SPATA7: variants seen among roughly 807,000 people sequenced by gnomAD.
SPATA7 encodes spermatogenesis associated 7.
Under a neutral mutation model 51.8 loss-of-function variants are expected in SPATA7, and 43 were observed. The ratio of observed to expected loss-of-function variants is 0.83; its 90% CI spans 0.65 to 1.07. SPATA7 has a LOEUF of 1.07. Ranked by LOEUF, SPATA7 falls within the 50% of genes least tolerant of loss-of-function variation. The pLI is 0.00. For synonymous variants in SPATA7, 230 were observed against 252.8 expected, an observed-to-expected ratio of 0.91 and a Z score of 0.86; for missense variants, 683 against 701.3, an observed-to-expected ratio of 0.97 and a Z score of 0.30.
intron 4 of SPATA7, among the ~76,000 whole-genome samples, chr14:88,404,414 T>TAAGTATTTAA (rs2076149103): frequency 6.6e-6 from 1 of 152,156 alleles, no homozygotes; most frequent in African/African-American, 2.4e-5. Context: ...GTAGCCCTAC[T>TAAGTATTTAA]AAGTATTTAA....
intron 4 of SPATA7, chr14:88,414,786 A>T (rs2139954150): frequency 1.8e-5 from 5 of 273,706 alleles, no homozygotes; most frequent in South Asian, 6.7e-5. Flanking sequence ...GTTTTTTTTT[A>T]ATTTCACCTT....
Position 88,438,188 on chromosome 14 carries a change from A to G in SPATA7, c.1566A>G (p.Glu522=). 6.2e-7 allele frequency: 1 copy of G among 1,613,662 alleles called. No individual in the cohort carries two copies. Among genetic ancestry groups the G allele is most frequent in the Non-Finnish European group, 8.5e-7 (1 of 1,179,748 alleles). The change falls in exon 12 of 12, where the codon GAA becomes GAG. Residue 522 remains glutamate, a synonymous_variant. Coordinates refer to ENST00000393545, the MANE Select transcript of SPATA7 (RefSeq NM_018418.5). Reference sequence around the variant, plus strand: ...ATCTTGAAACTTCAACTTTGGATGAAAATCATCCAAGTATTTCAGACAGTT... The same window carrying G: ...ATCTTGAAACTTCAACTTTGGATGAGAATCATCCAAGTATTTCAGACAGTT... ...ETNLETSTLD[E]NHPSISDSLT...
At chr14:88,431,475 C>T (rs2076939164) in intron 9 of SPATA7, among the ~76,000 whole-genome samples, 1 of 152,102 alleles carries the variant, frequency 6.6e-6, no homozygotes, top group Admixed American at 6.6e-5. Flanking sequence ...CATTGAGTAT[C>T]CTTCTTCTAG....
rs537064640 is a variant in SPATA7, at chr14:88,430,007, T to C, written c.1028+544T>C. On this transcript the variant is annotated intron_variant, in intron 8 of 11. Transcript: ENST00000393545. The stretch of plus-strand genomic sequence containing the variant: ...TGCAATGGAGGCACTCTTTAAAAAC[T>C]ACTCATCATGTTGAGTAATTAAGGA... Among the ~76,000 whole-genome samples the C allele has an allele frequency of 5.3e-5, 8 of 152,102 alleles. No individual in the cohort carries two copies. The East Asian group carries it at 1.5e-3, about 29-fold the overall frequency.
At chr14:88,403,979 A>G (rs1362805235) in intron 4 of SPATA7, among the ~76,000 whole-genome samples, 2 of 152,212 alleles carry the variant, frequency 1.3e-5, no homozygotes, top group Non-Finnish European at 2.9e-5. Context: ...TTCACAATGT[A>G]TATCAGAATA....
chr14:88,455,360 A>T (rs2077277436), downstream of SPATA7: 1 of 198,428 alleles, frequency 5.0e-6, no homozygotes, highest in South Asian at 9.2e-5. Flanking sequence ...GTACATTATT[A>T]AAAATAATCC....
At chr14:88,404,032 C>A (rs2076140084) in intron 4 of SPATA7, among the ~76,000 whole-genome samples, 3 of 152,046 alleles carry the variant, frequency 2.0e-5, no homozygotes, top group South Asian at 4.2e-4. Flanking sequence ...TCTGCTATAC[C>A]TTAACAAAGC....
chr14:88,393,287 G>A (rs2075792250), intron 2 of SPATA7, 106 bp from the exon 3 acceptor site: 4 of 801,898 alleles, frequency 5.0e-6, no homozygotes, highest in African/African-American at 1.7e-5. Context: ...ATCTCTGGTT[G>A]AATTTCAGAA....
At chr14:88,415,095 A>G (rs1335651022) in intron 4 of SPATA7, 1 of 175,888 alleles carries the variant, frequency 5.7e-6, no homozygotes, top group Non-Finnish European at 1.2e-5. Flanking sequence ...TGTCAAATTT[A>G]AATCCAGAAT....
intron 3 of SPATA7, among the ~76,000 whole-genome samples, chr14:88,453,737 TG>T (rs2077266783): frequency 6.6e-6 from 1 of 152,220 alleles, no homozygotes; most frequent in Admixed American, 6.5e-5. Flanking sequence ...GGTGTAGTAT[TG>T]GAAATCAGTC....
intron 3 of SPATA7, among the ~76,000 whole-genome samples, chr14:88,450,462 G>C (rs1207610605): frequency 6.6e-6 from 1 of 152,000 alleles, no homozygotes; most frequent in Non-Finnish European, 1.5e-5. Flanking sequence ...AAGATTTAGA[G>C]CTCCTTTTAG....
At chr14:88,449,574 T>A (rs543741184) in intron 3 of SPATA7, among the ~76,000 whole-genome samples, 1 of 152,218 alleles carries the variant, frequency 6.6e-6, no homozygotes, top group Non-Finnish European at 1.5e-5. Context: ...GAATGTTCTG[T>A]GAATATCTGT....
intron 5 of SPATA7, among the ~76,000 whole-genome samples, chr14:88,424,175 G>C (rs1030237837): frequency 6.6e-6 from 1 of 152,112 alleles, no homozygotes; most frequent in Non-Finnish European, 1.5e-5. Flanking sequence ...GTGATCTGCT[G>C]TTCATGTTTT....
chr14:88,427,852 C>A (rs2076839399), intron 7 of SPATA7, 156 bp downstream of exon 7: 3 of 631,456 alleles, frequency 4.8e-6, no homozygotes, highest in South Asian at 4.0e-5. Flanking sequence ...TGCCTATTTA[C>A]AAATGGTTAT....
downstream of SPATA7, among the ~76,000 whole-genome samples, chr14:88,440,351 T>C (rs1415504821): frequency 6.6e-6 from 1 of 152,214 alleles, no homozygotes; most frequent in Non-Finnish European, 1.5e-5. Flanking sequence ...CCATCCTAAT[T>C]TGGATACCTA....
intron 1 of SPATA7, among the ~76,000 whole-genome samples, chr14:88,388,474 G>T (rs1246130646): frequency 6.6e-6 from 1 of 152,130 alleles, no homozygotes. Context: ...TTTGGTTTGA[G>T]GCTACTTCTC....
chr14:88,427,450 T>A (rs1276897658), intron 6 of SPATA7, among the ~76,000 whole-genome samples, 180 bp from the exon 7 acceptor site: 1 of 152,086 alleles, frequency 6.6e-6, no homozygotes, highest in Non-Finnish European at 1.5e-5. Flanking sequence ...ATAAGTACAG[T>A]GATATCAGAT....
chr14:88,469,477 G>T lies in SPATA7; in HGVS notation c.255-370G>T. 1 of 1,578,248 alleles carries T rather than the reference G, an allele frequency of 6.3e-7. No individual in the cohort carries two copies. Among genetic ancestry groups the T allele is most frequent in the Non-Finnish European group, 8.7e-7 (1 of 1,147,756 alleles). ...ACACCTCCAGAGGCAGCTGTCCTCG[G>T]AACAAAGTTAAAGTCACTCACATAA... On this transcript the variant is annotated intron_variant, in intron 4 of 4. Coordinates refer to the SPATA7 transcript ENST00000556406. This position sits in a 1 kb window ranked among gnomAD's most constrained non-coding sequence, Gnocchi z 4.3.
downstream of SPATA7, among the ~76,000 whole-genome samples, chr14:88,458,163 A>T (rs2077296503): frequency 6.6e-6 from 1 of 152,178 alleles, no homozygotes; most frequent in Non-Finnish European, 1.5e-5. Context: ...ATCAATGTTC[A>T]TCAGGGATAT....
Sources: gnomAD v4.1 joint callset for allele counts (sites outside exome capture counted in the v4.1 genomes callset) on GRCh38, gnomAD v4.1.1 for gene constraint, Gnocchi (gnomAD v3.1) non-coding constraint, MANE v1.5 for transcripts, NCBI Gene and HGNC (gene_info 2026-07-23, HGNC 2026-07-21) for gene names.